TGFBI: variants seen among roughly 807,000 people sequenced by gnomAD.
The protein encoded by TGFBI is transforming growth factor beta induced, also known as transforming growth factor-beta-induced protein ig-h3.
In TGFBI, 50 loss-of-function variants were observed where a neutral mutation model predicts 73.7. The ratio of observed to expected loss-of-function variants is 0.68; its 90% CI spans 0.54 to 0.86. TGFBI has a LOEUF of 0.86. TGFBI is among the 40% of genes least tolerant of loss of function. TGFBI has a pLI of 0.00. For missense variants in TGFBI, 839 were observed against 877.0 expected (o/e 0.96, Z 0.55); for synonymous variants, 362 against 360.5 (o/e 1.00, Z -0.05).
rs1050603787 is a variant in TGFBI at position 136,048,242 on chromosome 5, G to A, written c.771+822G>A. On this transcript the variant is annotated intron_variant, in intron 6 of 16. Coordinates refer to ENST00000442011, the MANE Select transcript of TGFBI (RefSeq NM_000358.3). ...CTCCTCTCCCATGCTTTTCTTCTGG[G>A]TTGCTCGAAGGACGGGGGTCTGCAA... 4.6e-5 allele frequency: 7 copies of A among 152,234 alleles called. 1 individual carries two copies. The East Asian group carries it at 1.3e-3, about 29-fold the overall frequency. The allele number at this position is 152,234 out of a possible 1,614,324, so 9.4% of individuals were successfully genotyped here.
At chr5:136,056,867 G>A (rs1004112083) in intron 12 of TGFBI, 72 bp downstream of exon 12, 10 of 1,510,472 alleles carry the variant, frequency 6.6e-6, no homozygotes, top group Non-Finnish European at 9.0e-6. Flanking sequence ...GCAGCAAACA[G>A]TTGGCACATC....
intron 1 of TGFBI, among the ~76,000 whole-genome samples, chr5:136,033,476 C>T (rs764142424): frequency 1.3e-5 from 2 of 152,164 alleles, no homozygotes; most frequent in African/African-American, 2.4e-5. Flanking sequence ...CTTTTGTTTA[C>T]ACTTATCAAT....
chr5:136,062,782 C>A, intron 16 of TGFBI, 95 bp downstream of exon 16: 2 of 1,329,226 alleles, frequency 1.5e-6, no homozygotes, highest in Non-Finnish European at 2.1e-6. Flanking sequence ...TAGATAAGAA[C>A]ATCATGGTGC....
At chr5:136,046,280 G>T in intron 3 of TGFBI, 55 bp from the exon 4 acceptor site, 5 of 1,601,624 alleles carry the variant, frequency 3.1e-6, no homozygotes, top group Non-Finnish European at 4.3e-6. Context: ...AAGGGAGGGT[G>T]TGGTTGGGCT....
intron 2 of TGFBI, among the ~76,000 whole-genome samples, chr5:136,039,371 G>C (rs1329410060): frequency 6.6e-6 from 1 of 152,198 alleles, no homozygotes; most frequent in Non-Finnish European, 1.5e-5. Context: ...CCCCCAGGGG[G>C]TATCAAGCCT....
intron 13 of TGFBI, 84 bp downstream of exon 13, chr5:136,059,298 A>G: frequency 6.5e-7 from 1 of 1,537,476 alleles, no homozygotes; most frequent in Non-Finnish European, 8.8e-7. Flanking sequence ...ATGGAATTAT[A>G]CACACACAAC....
At chr5:136,047,207 C>T (rs1751445441) in intron 5 of TGFBI, 67 bp from the exon 6 acceptor site, 2 of 1,591,638 alleles carry the variant, frequency 1.3e-6, no homozygotes, top group Non-Finnish European at 8.6e-7. Flanking sequence ...ACTGTTTTCT[C>T]CTCCCGGGGC....
intron 9 of TGFBI, 117 bp from the exon 10 acceptor site, chr5:136,054,599 T>A: frequency 7.2e-7 from 1 of 1,381,556 alleles, no homozygotes; most frequent in Non-Finnish European, 1.0e-6. Flanking sequence ...ACTTGGTTTC[T>A]CAATCCCTGT....
At chr5:136,043,418 A>G (rs1207383293) in intron 2 of TGFBI, among the ~76,000 whole-genome samples, 5 of 152,260 alleles carry the variant, frequency 3.3e-5, no homozygotes, top group South Asian at 2.1e-4. Context: ...AAAAGTAAGT[A>G]TCTTCGTAAG....
chr5:136,039,032 T>A (rs752353741), intron 2 of TGFBI, among the ~76,000 whole-genome samples: 8 of 152,238 alleles, frequency 5.3e-5, no homozygotes, highest in Admixed American at 1.3e-4. Flanking sequence ...TTTGTTGACT[T>A]ATAGATGCAT....
Position 136,054,806 on chromosome 5 carries a change from G to A in TGFBI, c.1355G>A (p.Gly452Glu), listed in dbSNP as rs1251336718. Residue 452 changes from glycine to glutamate, a missense_variant, in exon 10 of 17, where the codon GGA (glycine) becomes GAA (glutamate). Gly to Glu is a moderately conservative substitution (Grantham distance 98). Coordinates refer to ENST00000442011, the MANE Select transcript of TGFBI (RefSeq NM_000358.3). ...CTGGCCTCTAAGTATCTGTACCATGGACAGACCCTGGAAACTCTGGGCGGC... is the reference window on the plus strand; with the variant it reads ...CTGGCCTCTAAGTATCTGTACCATGAACAGACCCTGGAAACTCTGGGCGGC... The part of the protein sequence containing the change: ...DQLASKYLYH[G>E]QTLETLGGKK... 21 of 1,613,904 alleles carry A rather than the reference G, an allele frequency of 1.3e-5. No homozygotes were observed. Among genetic ancestry groups the A allele is most frequent in the Non-Finnish European group, 1.8e-5 (21 of 1,179,866 alleles).
chr5:136,041,469 C>T (rs940881771), intron 2 of TGFBI, among the ~76,000 whole-genome samples: 1 of 152,298 alleles, frequency 6.6e-6, no homozygotes, highest in South Asian at 2.1e-4. Context: ...GGAGACACCC[C>T]CTGTGTCTTC....
In TGFBI at chr5:136,063,493, C is replaced by A. The variant is rs17169782; in HGVS notation, c.*267C>A. Reference sequence around the variant, plus strand: ...CCTGACATTCACTTCCAGAGAGGACCTATCCCAAATGTGGAATTGACTGCC... The same window carrying A: ...CCTGACATTCACTTCCAGAGAGGACATATCCCAAATGTGGAATTGACTGCC... On this transcript the variant is annotated 3_prime_UTR_variant, in exon 17 of 17. Coordinates refer to ENST00000442011, the MANE Select transcript of TGFBI (RefSeq NM_000358.3). 5,913 of 454,654 alleles carry A rather than the reference C, an allele frequency of 0.013. 278 individuals are homozygous for A. Among genetic ancestry groups the A allele is most frequent in the African/African-American group, 0.11 (5,336 of 50,800 alleles). The allele number at this position is 454,654 out of a possible 1,614,324, so 28.2% of individuals were successfully genotyped here. A position where few individuals can be genotyped will look rare whatever the true frequency, so the allele number is the denominator to read the frequency against.
At chr5:136,045,039 G>A (rs1751403503) in intron 3 of TGFBI, among the ~76,000 whole-genome samples, 1 of 152,128 alleles carries the variant, frequency 6.6e-6, no homozygotes, top group Non-Finnish European at 1.5e-5. Context: ...TTTGGTCCAT[G>A]TTTAGTTGAA....
intron 2 of TGFBI, among the ~76,000 whole-genome samples, chr5:136,039,908 G>A (rs739866): frequency 0.21 from 32,606 of 152,188 alleles, 3,612 homozygotes; most frequent in African/African-American, 0.28. Flanking sequence ...CATGTCAGAT[G>A]TCTAGACGTT....
intron 1 of TGFBI, among the ~76,000 whole-genome samples, chr5:136,032,979 G>A (rs991585433): frequency 6.6e-6 from 1 of 152,086 alleles, no homozygotes; most frequent in Non-Finnish European, 1.5e-5. Context: ...TGGGTAGTTT[G>A]GGGAGCAGTA....
intron 2 of TGFBI, among the ~76,000 whole-genome samples, chr5:136,041,941 C>T (rs183326363): frequency 1.3e-5 from 2 of 152,330 alleles, no homozygotes; most frequent in African/African-American, 4.8e-5. Flanking sequence ...CCAGCTTTCC[C>T]AGGGGCTCCA....
chr5:136,039,296 TTTATG>T lies in TGFBI; in HGVS notation c.234-4761_234-4757del, dbSNP rs1479597002. Among the ~76,000 whole-genome samples, 5 of 152,284 alleles carry T rather than the reference TTTATG, an allele frequency of 3.3e-5. No individual in the cohort carries two copies. In the East Asian group the frequency reaches 9.7e-4, roughly 29 times the overall value. On this transcript the variant is annotated intron_variant, in intron 2 of 16. Transcript: ENST00000442011. ...GATGAGGAGACAGGCTCAAAAGACT[TTTATG>T]CAACCTGGTCAAAGTCATTCACTGG...
At chr5:136,055,607 G>T in intron 10 of TGFBI, 73 bp from the exon 11 acceptor site, 13 of 1,418,418 alleles carry the variant, frequency 9.2e-6, no homozygotes, top group Non-Finnish European at 1.2e-5. Flanking sequence ...CCTGCTACAT[G>T]CTCTGAACAA....
Sources: gnomAD v4.1 joint callset for allele counts (sites outside exome capture counted in the v4.1 genomes callset) on GRCh38, gnomAD v4.1.1 for gene constraint, MANE v1.5 for transcripts, NCBI Gene and HGNC (gene_info 2026-07-23, HGNC 2026-07-21) for gene names.